The following ZFYVE28 variants were observed in gnomAD, a reference collection of about 807,000 sequenced individuals.
The protein encoded by ZFYVE28 is lateral signaling target protein 2 homolog.
Under a neutral mutation model 82.1 loss-of-function variants are expected in ZFYVE28, and 40 were observed. That is an observed-to-expected ratio of 0.49 (90% CI 0.38 to 0.63). The LOEUF (loss-of-function observed/expected upper bound fraction) is 0.63, where lower values mean the gene tolerates loss of function less well. ZFYVE28 is among the 30% of genes least tolerant of loss of function. The probability of loss-of-function intolerance (pLI) is 0.00; values close to 1 mark genes in which losing one functional copy is unlikely to be tolerated. For missense variants in ZFYVE28, 1,321 were observed against 1,242.1 expected, an observed-to-expected ratio of 1.06 and a Z score of -0.96; for synonymous variants, 612 against 546.1, an observed-to-expected ratio of 1.12 and a Z score of -1.68.
chr4:2,376,796 T>C (rs908319845), intron 1 of ZFYVE28, among the ~76,000 whole-genome samples: 1 of 152,060 alleles, frequency 6.6e-6, no homozygotes, highest in South Asian at 2.1e-4. Context: ...TATGGTGACA[T>C]GACCCTATGG....
At chr4:2,326,372 T>A (rs1392299220) in intron 6 of ZFYVE28, among the ~76,000 whole-genome samples, 3 of 152,236 alleles carry the variant, frequency 2.0e-5, no homozygotes, top group African/African-American at 7.2e-5. Context: ...GGGCTCTTTA[T>A]TCTGTTCCAC....
intron 1 of ZFYVE28, among the ~76,000 whole-genome samples, chr4:2,377,123 G>A (rs1411041477): frequency 2.0e-5 from 3 of 151,568 alleles, no homozygotes; most frequent in Non-Finnish European, 2.9e-5. Flanking sequence ...CCGGGTTCAC[G>A]CCATTCTCCT....
chr4:2,361,499 GCCA>G (rs1726149581), intron 1 of ZFYVE28, among the ~76,000 whole-genome samples: 1 of 152,144 alleles, frequency 6.6e-6, no homozygotes, highest in African/African-American at 2.4e-5. Flanking sequence ...ACGAGGGCTG[GCCA>G]CCGGGCTCAG....
At chr4:2,316,770 G>A (rs933600910) in intron 7 of ZFYVE28, among the ~76,000 whole-genome samples, 1 of 150,672 alleles carries the variant, frequency 6.6e-6, no homozygotes, top group African/African-American at 2.4e-5. Context: ...TCGGCTCACT[G>A]CAACCTCTGC....
intron 7 of ZFYVE28, 64 bp from the exon 8 acceptor site, chr4:2,305,600 G>C: frequency 1.3e-6 from 2 of 1,595,562 alleles, no homozygotes; most frequent in South Asian, 1.1e-5. Flanking sequence ...CCTTGGCCAG[G>C]AGTGGACGCA....
Position 2,409,621 on chromosome 4 carries a change from C to G in ZFYVE28, c.39+8664G>C, listed in dbSNP as rs892629033. On this transcript the variant is annotated intron_variant, in intron 1 of 12. Coordinates refer to ENST00000290974, the MANE Select transcript of ZFYVE28 (RefSeq NM_020972.3). The surrounding 1 kb of genome is among the most constrained non-coding windows in gnomAD (Gnocchi z 4.4). The stretch of plus-strand genomic sequence containing the variant: ...CTCAGGCAAGGCCCACATGGCCTGA[C>G]AGCCTTGGAGATTCCCACTGAGCAG... Among the ~76,000 whole-genome samples the G allele has an allele frequency of 6.6e-6, 1 of 152,266 alleles. No homozygotes were observed. The highest frequency in any genetic ancestry group is 2.4e-5 in the African/African-American group (1 of 41,478).
In ZFYVE28 at chr4:2,409,464, C is replaced by T. The variant is rs2108685002; in HGVS notation, c.39+8821G>A. ...ACCTCCCAACCCCATCTGCAGCGAC[C>T]CCACCTTGTCCCCTGTGCTCCAAGT... is the stretch of plus-strand genomic sequence containing the variant. On this transcript the variant is annotated intron_variant, in intron 1 of 12. Coordinates refer to ENST00000290974, the MANE Select transcript of ZFYVE28 (RefSeq NM_020972.3). The surrounding 1 kb of genome is among the most constrained non-coding windows in gnomAD (Gnocchi z 4.4). Among the ~76,000 whole-genome samples the T allele has an allele frequency of 6.6e-6, 1 of 152,256 alleles. No individual in the cohort carries two copies. Among genetic ancestry groups the T allele is most frequent in the East Asian group, 1.9e-4 (1 of 5,172 alleles).
At chr4:2,373,938 C>G (rs1727837903) in intron 1 of ZFYVE28, among the ~76,000 whole-genome samples, 2 of 152,172 alleles carry the variant, frequency 1.3e-5, no homozygotes, top group African/African-American at 4.8e-5. Context: ...TGTCCTCTCT[C>G]CTCAGCACCG....
At chr4:2,338,222 C>T (rs1722167271) in intron 4 of ZFYVE28, among the ~76,000 whole-genome samples, 1 of 152,258 alleles carries the variant, frequency 6.6e-6, no homozygotes, top group Non-Finnish European at 1.5e-5. Context: ...TGCAGGAGGC[C>T]TGCCAGTGGC....
intron 5 of ZFYVE28, among the ~76,000 whole-genome samples, chr4:2,336,965 T>A (rs73087144): frequency 0.33 from 10,533 of 31,526 alleles, 10 homozygotes; most frequent in African/African-American, 0.42. Context: ...AGGAGTTAGG[T>A]GGTGAGGAGT....
intron 6 of ZFYVE28, among the ~76,000 whole-genome samples, chr4:2,325,405 A>G (rs897487277): frequency 8.5e-5 from 13 of 152,146 alleles, no homozygotes; most frequent in African/African-American, 3.1e-4. Flanking sequence ...TTTCTGTCAT[A>G]TACTCAGGTG....
chr4:2,279,424 C>G (rs190694479), intron 8 of ZFYVE28, among the ~76,000 whole-genome samples: 1 of 151,810 alleles, frequency 6.6e-6, no homozygotes, highest in Non-Finnish European at 1.5e-5. Context: ...AGCGAGACTC[C>G]GTCTAAAAAA....
chr4:2,282,119 G>A (rs572210617), intron 8 of ZFYVE28, among the ~76,000 whole-genome samples: 15 of 152,190 alleles, frequency 9.9e-5, no homozygotes, highest in South Asian at 2.1e-4. Flanking sequence ...GTGGATCAAC[G>A]TCACTTCAGC....
At chr4:2,310,235 T>C (rs1053968817) in intron 7 of ZFYVE28, among the ~76,000 whole-genome samples, 14 of 152,032 alleles carry the variant, frequency 9.2e-5, no homozygotes, top group African/African-American at 2.7e-4. Flanking sequence ...GATCAGGTCT[T>C]ACTATATTGC....
chr4:2,342,503 CCAGCCT>C (rs1453919609), intron 2 of ZFYVE28: 2 of 152,216 alleles, frequency 1.3e-5, no homozygotes, highest in African/African-American at 4.8e-5. Flanking sequence ...CAGCCATCCT[CCAGCCT>C]CAGCCTCCCG....
chr4:2,414,018 A>G (rs982037307), intron 1 of ZFYVE28, among the ~76,000 whole-genome samples: 1 of 152,202 alleles, frequency 6.6e-6, no homozygotes, highest in African/African-American at 2.4e-5. Flanking sequence ...TTCGGGACCA[A>G]ACAGATATAT....
chr4:2,281,290 T>A (rs1178500246), intron 8 of ZFYVE28, among the ~76,000 whole-genome samples: 2 of 151,818 alleles, frequency 1.3e-5, no homozygotes, highest in East Asian at 3.9e-4. Flanking sequence ...ACCGAGAGCA[T>A]GAGCCTGGGT....
chr4:2,283,111 T>TCCATCCATCCATCCATCCAC (rs1339992323), intron 8 of ZFYVE28, among the ~76,000 whole-genome samples: 5 of 151,104 alleles, frequency 3.3e-5, no homozygotes, highest in South Asian at 2.1e-4. Flanking sequence ...CATCCATCCA[T>TCCATCCATCCATCCATCCAC]CCACCCACCC....
rs1731555078 is a variant in ZFYVE28 at position 2,404,311 on chromosome 4, A to AAAAG, written c.39+13973_39+13974insCTTT. On this transcript the variant is annotated intron_variant, in intron 1 of 12. Coordinates refer to ENST00000290974, the MANE Select transcript of ZFYVE28 (RefSeq NM_020972.3). ...CAGGACGGAGCGAGACTCCGCCTCA[A>AAAAG]AAAAAAAAAAAAAAAAACGCTGAAG... Among the ~76,000 whole-genome samples, 4 of 85,046 alleles carry AAAAG rather than the reference A, an allele frequency of 4.7e-5. No homozygotes were observed. The South Asian group carries it at 1.5e-3, about 31-fold the overall frequency. 55.8% of individuals were successfully genotyped at this position (85,046 alleles called of 152,430 possible).
Sources: gnomAD v4.1 joint callset for allele counts (sites outside exome capture counted in the v4.1 genomes callset) on GRCh38, gnomAD v4.1.1 for gene constraint, Gnocchi (gnomAD v3.1) non-coding constraint, MANE v1.5 for transcripts, NCBI Gene and HGNC (gene_info 2026-07-23, HGNC 2026-07-21) for gene names.